RAD51B: variants seen among roughly 807,000 people sequenced by gnomAD.
RAD51B encodes DNA repair protein RAD51 homolog 2.
A neutral mutation model predicts 42.2 loss-of-function variants in RAD51B; 38 were observed. The ratio of observed to expected loss-of-function variants is 0.90; its 90% confidence interval spans 0.70 to 1.18. The LOEUF (loss-of-function observed/expected upper bound fraction) is 1.18. Ranked by LOEUF, RAD51B falls within the 50% of genes most tolerant of loss-of-function variation. The pLI is 0.00. For synonymous variants in RAD51B, 154 were observed against 145.2 expected (o/e 1.06, Z -0.43); for missense variants, 373 against 400.7 (o/e 0.93, Z 0.59).
At chr14:68,531,742 T>C (rs1887322436) in intron 10 of RAD51B, among the ~76,000 whole-genome samples, 2 of 152,178 alleles carry the variant, frequency 1.3e-5, no homozygotes, top group African/African-American at 4.8e-5. Context: ...CTCACACTTA[T>C]AATCCTAGCA....
chr14:68,433,781 T>C (rs954068585), intron 9 of RAD51B, among the ~76,000 whole-genome samples: 15 of 152,258 alleles, frequency 9.9e-5, no homozygotes, highest in Non-Finnish European at 2.1e-4. Context: ...TTTGTTCCAT[T>C]GCTGGCGAGG....
chr14:68,606,539 G>A (rs1566953022), intron 10 of RAD51B, among the ~76,000 whole-genome samples: 1 of 152,128 alleles, frequency 6.6e-6, no homozygotes, highest in Non-Finnish European at 1.5e-5. Flanking sequence ...ATATCTGAGT[G>A]TAGAAATGAG....
intron 4 of RAD51B, 137 bp downstream of exon 4, chr14:67,835,333 C>T: frequency 1.5e-6 from 1 of 683,804 alleles, no homozygotes; most frequent in South Asian, 1.9e-5. Context: ...GGATATGGTT[C>T]TCCACTCAGT....
chr14:68,508,150 T>A (rs537762180), intron 10 of RAD51B, among the ~76,000 whole-genome samples: 5 of 152,272 alleles, frequency 3.3e-5, no homozygotes, highest in African/African-American at 1.2e-4. Flanking sequence ...CCAGGCTCTG[T>A]TCTGGTCCAG....
chr14:68,414,575 C>T (rs972911244), intron 9 of RAD51B, among the ~76,000 whole-genome samples: 4 of 152,082 alleles, frequency 2.6e-5, no homozygotes, highest in African/African-American at 9.7e-5. Flanking sequence ...TCCAAACAAA[C>T]TAATACTGAG....
intron 7 of RAD51B, among the ~76,000 whole-genome samples, chr14:68,028,557 G>A (rs1227254701): frequency 6.6e-6 from 1 of 152,170 alleles, no homozygotes; most frequent in Admixed American, 6.5e-5. Flanking sequence ...CAGCCCTGGG[G>A]TGCCGGGACT....
chr14:68,484,547 C>T (rs1227487222), intron 10 of RAD51B, among the ~76,000 whole-genome samples: 7 of 151,900 alleles, frequency 4.6e-5, no homozygotes, highest in Admixed American at 4.6e-4. Context: ...TTAGTAGAGA[C>T]GGAGTTTCAC....
intron 10 of RAD51B, among the ~76,000 whole-genome samples, chr14:68,592,802 G>T (rs1352584401): frequency 1.3e-5 from 2 of 152,284 alleles, no homozygotes; most frequent in African/African-American, 2.4e-5. Flanking sequence ...GATTCCCTTC[G>T]GCAAATGTGA....
At chr14:68,597,601 T>C (rs867698514), downstream of RAD51B, among the ~76,000 whole-genome samples, 8 of 152,254 alleles carry the variant, frequency 5.3e-5, no homozygotes, top group Middle Eastern at 3.4e-3. Context: ...TAAGAACTTA[T>C]GAACACAAAG....
At chr14:68,000,619 G>A (rs943951668) in intron 7 of RAD51B, among the ~76,000 whole-genome samples, 1 of 152,040 alleles carries the variant, frequency 6.6e-6, no homozygotes, top group African/African-American at 2.4e-5. Flanking sequence ...CTTGGATTGA[G>A]TTTACTTCAC....
Position 68,477,844 on chromosome 14 carries a change from G to C in RAD51B, c.*180G>C. The C allele has an allele frequency of 7.0e-7, 1 of 1,435,644 alleles. No homozygotes were observed. Among genetic ancestry groups the C allele is most frequent in the Non-Finnish European group, 9.1e-7 (1 of 1,095,518 alleles). 88.9% of individuals were successfully genotyped at this position (1,435,644 alleles called of 1,614,324 possible). A position where few individuals can be genotyped will look rare whatever the true frequency, so the allele number is the denominator to read the frequency against. On this transcript the variant is annotated 3_prime_UTR_variant, in exon 11 of 11. Coordinates refer to ENST00000471583, the MANE Select transcript of RAD51B (RefSeq NM_133510.4). ...AGCTAGCGATTTCAGACCTAGCAGG[G>C]AAGGTGAAGATGAAGAAGCCTTTGT... is the stretch of plus-strand genomic sequence containing the variant.
intron 5 of RAD51B, among the ~76,000 whole-genome samples, chr14:67,877,747 C>T (rs1344016182): frequency 6.6e-6 from 1 of 152,182 alleles, no homozygotes; most frequent in African/African-American, 2.4e-5. Context: ...ACTGCTGTCT[C>T]GACTTACTGG....
intron 7 of RAD51B, among the ~76,000 whole-genome samples, chr14:67,974,553 A>G (rs1302167844): frequency 6.6e-6 from 1 of 152,126 alleles, no homozygotes; most frequent in Non-Finnish European, 1.5e-5. Flanking sequence ...GAATAAATTC[A>G]AAGCTTTTTC....
chr14:68,066,538 A>C (rs1370534720), intron 7 of RAD51B, among the ~76,000 whole-genome samples: 1 of 152,208 alleles, frequency 6.6e-6, no homozygotes, highest in Non-Finnish European at 1.5e-5. Context: ...AAAGGGAGAA[A>C]TCTACGAAAG....
intron 10 of RAD51B, among the ~76,000 whole-genome samples, chr14:68,558,494 A>G (rs1201124187): frequency 6.6e-6 from 1 of 152,158 alleles, no homozygotes; most frequent in Non-Finnish European, 1.5e-5. Flanking sequence ...TGTTCCTCCT[A>G]AAGGCTGTGG....
intron 10 of RAD51B, among the ~76,000 whole-genome samples, chr14:68,635,781 C>T (rs931807690): frequency 3.9e-5 from 6 of 152,158 alleles, no homozygotes; most frequent in African/African-American, 1.4e-4. Context: ...AGACAGACCA[C>T]ACTAAGAACC....
chr14:67,842,296 A>T (rs2041456581), intron 4 of RAD51B, among the ~76,000 whole-genome samples: 1 of 152,162 alleles, frequency 6.6e-6, no homozygotes, highest in Non-Finnish European at 1.5e-5. Flanking sequence ...TTGGAGCAGC[A>T]GTCTTTAGGG....
At chr14:67,869,592 A>G (rs980297285) in intron 5 of RAD51B, among the ~76,000 whole-genome samples, 2 of 152,150 alleles carry the variant, frequency 1.3e-5, no homozygotes, top group African/African-American at 4.8e-5. Context: ...AGAACGCCAC[A>G]AAGATACTCC....
chr14:68,540,166 C>CTTTTTTTTTTTTTTTTTTTTTTTTT (rs11321834), intron 10 of RAD51B: 1 of 459,048 alleles, frequency 2.2e-6, no homozygotes, highest in Non-Finnish European at 2.7e-6. Context: ...TACCCTGCTC[C>CTTTTTTTTTTTTTTTTTTTTTTTTT]TTTTTTTTTT....
Sources: gnomAD v4.1 joint callset for allele counts (sites outside exome capture counted in the v4.1 genomes callset) on GRCh38, gnomAD v4.1.1 for gene constraint, MANE v1.5 for transcripts, NCBI Gene and HGNC (gene_info 2026-07-23, HGNC 2026-07-21) for gene names.